Variants in RNASEL observed in about 807,000 individuals in gnomAD.
RNASEL encodes the protein ribonuclease L.
In RNASEL, 36 loss-of-function variants were observed where a neutral mutation model predicts 50.9. The ratio of observed to expected loss-of-function variants is 0.71; its 90% CI spans 0.54 to 0.93. RNASEL has a LOEUF of 0.93. Ranked by LOEUF, RNASEL falls within the 40% of genes least tolerant of loss-of-function variation. RNASEL has a pLI of 0.00. For missense variants in RNASEL, 860 were observed against 894.5 expected (o/e 0.96, Z 0.49); for synonymous variants, 335 against 335.6 (o/e 1.00, Z 0.02).
At position 182,586,920 on chromosome 1, in the gene RNASEL, A is replaced by G; in HGVS notation, c.-114T>C. The G allele has an allele frequency of 7.3e-7, 1 of 1,363,012 alleles. No homozygotes were observed. The highest frequency in any genetic ancestry group is 1.0e-6 in the Non-Finnish European group (1 of 962,966). The allele number at this position is 1,363,012 out of a possible 1,614,324, so 84.4% of individuals were successfully genotyped here. On this transcript the variant is annotated 5_prime_UTR_variant, in exon 2 of 7. Coordinates refer to ENST00000367559, the MANE Select transcript of RNASEL (RefSeq NM_021133.4). ...GTGTAAATTGGGATTCTCTGGCAACAGAGCAGCAGTATGAAGAAGGAACAA... is the reference window on the plus strand; with the variant it reads ...GTGTAAATTGGGATTCTCTGGCAACGGAGCAGCAGTATGAAGAAGGAACAA...
intron 5 of RNASEL, among the ~76,000 whole-genome samples, chr1:182,580,437 A>G (rs1316910021): frequency 1.3e-5 from 2 of 152,184 alleles, no homozygotes; most frequent in Non-Finnish European, 1.5e-5. Context: ...GGTTTCCAAG[A>G]CCTGAAGATT....
At chr1:182,579,784 A>G in intron 5 of RNASEL, 1 of 1,103,018 alleles carries the variant, frequency 9.1e-7, no homozygotes, top group South Asian at 1.4e-5. Flanking sequence ...CAGGTCTGCC[A>G]ATCTCTGACT....
intron 2 of RNASEL, 123 bp from the exon 3 acceptor site, chr1:182,584,289 A>G: frequency 2.8e-6 from 2 of 726,108 alleles, no homozygotes; most frequent in South Asian, 2.9e-5. Context: ...GCAATAATAA[A>G]CCTTATATCT....
chr1:182,585,890 A>G lies in RNASEL; in HGVS notation c.917T>C (p.Met306Thr), dbSNP rs763291276. ...ATGGTCATAATTCCGCCTCGCTGTC[A>G]TAACAAGATCCCCACAATCTGTACT... Reference protein sequence around the residue: ...GASTDCGDLVMTARRNYDHSL... With the variant: ...GASTDCGDLVTTARRNYDHSL... The change falls in exon 2 of 7, where the codon ATG becomes ACG. Residue 306 changes from methionine (M) to threonine (T), a missense_variant. By Grantham distance (81) the Met-to-Thr change is moderately conservative (BLOSUM62 -1). Coordinates refer to ENST00000367559, the MANE Select transcript of RNASEL (RefSeq NM_021133.4). The G allele has an allele frequency of 3.7e-6, 6 of 1,612,460 alleles. No individual in the cohort carries two copies. Among genetic ancestry groups the G allele is most frequent in the Non-Finnish European group, 4.2e-6 (5 of 1,178,706 alleles).
chr1:182,577,853 T>G (rs896058924), intron 5 of RNASEL, among the ~76,000 whole-genome samples: 1 of 152,170 alleles, frequency 6.6e-6, no homozygotes, highest in Non-Finnish European at 1.5e-5. Context: ...CAACTGATCT[T>G]AGACAAAGTC....
chr1:182,577,361 T>C (rs1399621482), intron 5 of RNASEL, among the ~76,000 whole-genome samples: 2 of 152,166 alleles, frequency 1.3e-5, no homozygotes, highest in Admixed American at 1.3e-4. Context: ...TCGTTCATTA[T>C]ACTATACAAT....
chr1:182,585,983 G>C lies in RNASEL; in HGVS notation c.824C>G (p.Thr275Arg). The change falls in exon 2 of 7, where the codon ACA (threonine) becomes AGA (arginine). Residue 275 changes from threonine (T) to arginine (R), a missense_variant. Thr to Arg is a moderately conservative substitution (Grantham distance 71). Coordinates refer to ENST00000367559, the MANE Select transcript of RNASEL (RefSeq NM_021133.4). The part of the protein sequence containing the change: ...EINDTDSDGK[T>R]ALLLAVELKL... ...GAGTTCAACAGCAAGCAGCAGTGCT[G>C]TTTTGCCATCACTGTCTGTGTCATT... 1 of 1,614,122 alleles carries C rather than the reference G, an allele frequency of 6.2e-7. No individual in the cohort carries two copies. Among genetic ancestry groups the C allele is most frequent in the South Asian group, 1.1e-5 (1 of 91,082 alleles).
intron 5 of RNASEL, chr1:182,577,082 A>T (rs533170622): frequency 6.7e-6 from 1 of 149,674 alleles, no homozygotes; most frequent in Non-Finnish European, 1.5e-5. Context: ...ACAGGGTTTC[A>T]CCATGTTGGC....
chr1:182,586,494 C>T lies in RNASEL; in HGVS notation c.313G>A (p.Val105Met), dbSNP rs757668971. Reference sequence around the variant, plus strand: ...GAAAGGAAAAGTTTCAGCAGCTTCACGCTCCCCGCAATCGCTGCGAGGATA... The same window carrying T: ...GAAAGGAAAAGTTTCAGCAGCTTCATGCTCCCCGCAATCGCTGCGAGGATA... ...PFILAAIAGSVKLLKLFLSKG... is the reference protein window; with the variant it reads ...PFILAAIAGSMKLLKLFLSKG... The change falls in exon 2 of 7, where the codon GTG becomes ATG. Residue 105 changes from valine to methionine, a missense_variant. Physicochemically the swap from Val to Met is conservative, Grantham distance 21. Coordinates refer to ENST00000367559, the MANE Select transcript of RNASEL (RefSeq NM_021133.4). 1.9e-6 allele frequency: 3 copies of T among 1,612,366 alleles called. No homozygotes were observed. Among genetic ancestry groups the T allele is most frequent in the East Asian group, 2.2e-5 (1 of 44,858 alleles).
chr1:182,586,055 T>C lies in RNASEL; in HGVS notation c.752A>G (p.His251Arg). Residue 251 changes from histidine to arginine, a missense_variant, in exon 2 of 7, where the codon CAC becomes CGC. His to Arg is a conservative substitution (Grantham distance 29). Coordinates refer to ENST00000367559, the MANE Select transcript of RNASEL (RefSeq NM_021133.4). Reference protein sequence around the residue: ...TPLILAVEKKHLGLVQRLLEQ... With the variant: ...TPLILAVEKKRLGLVQRLLEQ... The stretch of plus-strand genomic sequence containing the variant: ...CAGAAGCCTCTGCACCAAACCCAAG[T>C]GCTTCTTCTCCACTGCCAGGATCAG... 1.2e-6 allele frequency: 2 copies of C among 1,614,106 alleles called. No individual in the cohort carries two copies. The highest frequency in any genetic ancestry group is 1.7e-6 in the Non-Finnish European group (2 of 1,180,042).
In RNASEL at chr1:182,581,213, A is replaced by G; in HGVS notation, c.1905+12T>C. The G allele has an allele frequency of 6.2e-7, 1 of 1,614,120 alleles. No individual in the cohort carries two copies. On this transcript the variant is annotated intron_variant, in intron 5 of 6. Coordinates refer to ENST00000367559, the MANE Select transcript of RNASEL (RefSeq NM_021133.4). ...CCTGGACTAACCCCTGCACTATAGG[A>G]ATTGTTCATACCTTAGTCGTCCACT... is the stretch of plus-strand genomic sequence containing the variant.
chr1:182,586,886 A>G lies in RNASEL; in HGVS notation c.-80T>C. The stretch of plus-strand genomic sequence containing the variant: ...TTTATCTCCTAGCACTTAATCAAAG[A>G]AGCTTTGAGTGTAAATTGGGATTCT... On this transcript the variant is annotated 5_prime_UTR_variant, in exon 2 of 7. Coordinates refer to ENST00000367559, the MANE Select transcript of RNASEL (RefSeq NM_021133.4). 6.3e-7 allele frequency: 1 copy of G among 1,580,628 alleles called. No individual in the cohort carries two copies. The highest frequency in any genetic ancestry group is 8.7e-7 in the Non-Finnish European group (1 of 1,154,292).
rs151296858 is a variant in RNASEL, at chr1:182,586,632, C to G, written c.175G>C (p.Gly59Arg). The change falls in exon 2 of 7, where the codon GGC becomes CGC. Residue 59 changes from glycine (G) to arginine (R), a missense_variant. Gly to Arg is a moderately radical substitution (Grantham distance 125, BLOSUM62 -2). Transcript: ENST00000367559. The stretch of plus-strand genomic sequence containing the variant: ...ACTGCGTTATGCAGAGGTGTCCAGC[C>G]CCCTTCCTCTTCCTGGAAATTAACA... ...ANVNFQEEEG[G>R]WTPLHNAVQM... 6.2e-7 allele frequency: 1 copy of G among 1,613,416 alleles called. No homozygotes were observed. The highest frequency in any genetic ancestry group is 1.3e-5 in the African/African-American group (1 of 75,036).
rs1416508988 is a variant in RNASEL at position 182,585,581 on chromosome 1, T to TGCAGACA, written c.1219_1225dup (p.Gln409LeufsTer18). 1 of 1,614,218 alleles carries TGCAGACA rather than the reference T, an allele frequency of 6.2e-7. No homozygotes were observed. The highest frequency in any genetic ancestry group is 2.2e-5 in the East Asian group (1 of 44,880). On this transcript the variant is annotated frameshift_variant, in exon 2 of 7. Transcript: ENST00000367559. LOFTEE classifies it high-confidence loss of function. ...CAAGTGACTGTTCTCTCGGCTGCTT[T>TGCAGACA]GCAGACAAGAGACTTCCCGCTGTGC...
At chr1:182,582,811 G>C (rs927197271) in intron 3 of RNASEL, among the ~76,000 whole-genome samples, 6 of 152,188 alleles carry the variant, frequency 3.9e-5, no homozygotes, top group Admixed American at 3.9e-4. Context: ...CAGGAGGCCA[G>C]ACATATGGGT....
chr1:182,585,910 T>C lies in RNASEL; in HGVS notation c.897A>G (p.Thr299=), dbSNP rs1357499912. Residue 299 remains threonine (T), a synonymous_variant, in exon 2 of 7, where the codon ACA becomes ACG. Transcript: ENST00000367559. ...AELLCKRGAS[T]DCGDLVMTAR... is the part of the protein sequence containing the mutation. The stretch of plus-strand genomic sequence containing the variant: ...CTGTCATAACAAGATCCCCACAATC[T>C]GTACTGGCTCCACGTTTGCACAGCA... The C allele has an allele frequency of 6.2e-7, 1 of 1,613,338 alleles. No individual in the cohort carries two copies. The highest frequency in any genetic ancestry group is 2.2e-5 in the East Asian group (1 of 44,868).
chr1:182,576,372 C>A lies in RNASEL; in HGVS notation c.1923G>T (p.Met641Ile). The A allele has an allele frequency of 6.3e-7, 1 of 1,581,240 alleles. No homozygotes were observed. The highest frequency in any genetic ancestry group is 8.7e-7 in the Non-Finnish European group (1 of 1,152,624). The change falls in exon 6 of 7, where the codon ATG (methionine) becomes ATT (isoleucine). Residue 641 changes from methionine (M) to isoleucine (I), a missense_variant. Met to Ile is a conservative substitution (Grantham distance 10). Coordinates refer to ENST00000367559, the MANE Select transcript of RNASEL (RefSeq NM_021133.4). ...KWTTKINECV[M>I]KKMNKFYEKR... ...TTTCATAAAACTTATTCATTTTTTT[C>A]ATAACACATTCATTAATCTAAAAAA...
intron 5 of RNASEL, chr1:182,580,041 G>C (rs930424871): frequency 6.6e-6 from 3 of 451,392 alleles, no homozygotes; most frequent in Non-Finnish European, 8.9e-6. Flanking sequence ...CAGAAGTTGT[G>C]CTAAAGATTA....
Position 182,584,127 on chromosome 1 carries a change from C to A in RNASEL, c.1520G>T (p.Ser507Ile). ...KAAHLADFDK[S>I]IKWAGDPQEV... is the part of the protein sequence containing the mutation. The stretch of plus-strand genomic sequence containing the variant: ...CTGTGGATCTCCAGCCCACTTGATG[C>A]TCTTATCAAAATCTGCCAGGTGAGC... The change falls in exon 3 of 7, where the codon AGC becomes ATC. Residue 507 changes from serine to isoleucine, a missense_variant. By Grantham distance (142) the Ser-to-Ile change is moderately radical. Transcript: ENST00000367559. The A allele has an allele frequency of 6.2e-7, 1 of 1,614,068 alleles. No homozygotes were observed. Among genetic ancestry groups the A allele is most frequent in the Non-Finnish European group, 8.5e-7 (1 of 1,179,970 alleles).
Sources: gnomAD v4.1 joint callset for allele counts (sites outside exome capture counted in the v4.1 genomes callset) on GRCh38, gnomAD v4.1.1 for gene constraint, MANE v1.5 for transcripts, NCBI Gene and HGNC (gene_info 2026-07-23, HGNC 2026-07-21) for gene names.